EBF1: variants seen among roughly 807,000 people sequenced by gnomAD.
The protein encoded by EBF1 is transcription factor COE1.
EBF1 carries 10 observed loss-of-function variants against 68.4 expected under a neutral mutation model. That is an observed-to-expected ratio of 0.15 (90% CI 0.09 to 0.25). EBF1 has a LOEUF of 0.25. Among genes scored for constraint, EBF1 ranks in the 10% least tolerant of loss-of-function variants. The pLI is 1.00. For synonymous variants in EBF1, 298 were observed against 299.8 expected (o/e 0.99, Z 0.06); for missense variants, 509 against 794.4 (o/e 0.64, Z 4.32).
At chr5:159,023,484 T>TA (rs1169017153) in intron 6 of EBF1, among the ~76,000 whole-genome samples, 1 of 152,182 alleles carries the variant, frequency 6.6e-6, no homozygotes, top group Non-Finnish European at 1.5e-5. Context: ...CTCATACTGA[T>TA]AGACTTGACC....
At chr5:159,083,333 A>C (rs1193100101) in intron 5 of EBF1, among the ~76,000 whole-genome samples, 1 of 152,210 alleles carries the variant, frequency 6.6e-6, no homozygotes, top group Non-Finnish European at 1.5e-5. Context: ...GTTATGTACA[A>C]TATAACATTA....
chr5:158,929,227 T>G (rs764658243), intron 6 of EBF1, among the ~76,000 whole-genome samples: 27 of 152,204 alleles, frequency 1.8e-4, no homozygotes, highest in Non-Finnish European at 3.7e-4. Context: ...ATGAATCGCG[T>G]GTGGCAAGCA....
At chr5:158,775,994 G>A (rs1433546541) in intron 10 of EBF1, among the ~76,000 whole-genome samples, 2 of 152,032 alleles carry the variant, frequency 1.3e-5, no homozygotes, top group African/African-American at 2.4e-5. Context: ...CTTTCTCTAC[G>A]CTTCGTTTGT....
chr5:158,774,066 A>C (rs1039367336), intron 10 of EBF1, among the ~76,000 whole-genome samples: 1 of 152,194 alleles, frequency 6.6e-6, no homozygotes, highest in African/African-American at 2.4e-5. Context: ...ACAATAAAGT[A>C]AGATCTAGAA....
chr5:158,954,279 A>C (rs71593317), intron 6 of EBF1, among the ~76,000 whole-genome samples: 10,915 of 152,298 alleles, frequency 0.072, 485 homozygotes, highest in Non-Finnish European at 0.094. Flanking sequence ...GTTAAATGAC[A>C]GTATGGCAGT....
chr5:159,047,778 T>C (rs1233662019), intron 6 of EBF1, among the ~76,000 whole-genome samples: 2 of 152,174 alleles, frequency 1.3e-5, no homozygotes, highest in Non-Finnish European at 2.9e-5. Context: ...TACTGCTATT[T>C]CCCTCCCACG....
intron 6 of EBF1, among the ~76,000 whole-genome samples, chr5:158,905,914 C>T (rs773340987): frequency 2.5e-4 from 38 of 152,202 alleles, no homozygotes; most frequent in African/African-American, 8.4e-4. Context: ...GAGGAGGGAG[C>T]AAAATAAAGC....
chr5:158,819,974 C>T (rs1784506425), intron 8 of EBF1, among the ~76,000 whole-genome samples: 2 of 152,106 alleles, frequency 1.3e-5, no homozygotes, highest in Admixed American at 6.5e-5. Context: ...GGTCATTTAT[C>T]AGAGCACAGG....
Position 158,840,114 on chromosome 5 carries a change from T to A in EBF1, c.555-4A>T. 6.2e-7 allele frequency: 1 copy of A among 1,611,986 alleles called. No individual in the cohort carries two copies. On this transcript the variant is annotated splice_region_variant and splice_polypyrimidine_tract_variant and intron_variant, in intron 6 of 15. Transcript: ENST00000313708. ...GAGGAAAAATTTCAAGAAGAACCTGTGAAGAAACAAATCATCATGGTTAGC... is the reference window on the plus strand; with the variant it reads ...GAGGAAAAATTTCAAGAAGAACCTGAGAAGAAACAAATCATCATGGTTAGC...
chr5:159,058,052 G>C (rs1322206670), intron 6 of EBF1, among the ~76,000 whole-genome samples: 1 of 152,204 alleles, frequency 6.6e-6, no homozygotes, highest in African/African-American at 2.4e-5. Context: ...TAGCTAAAGG[G>C]ATGAGATTCT....
chr5:158,897,119 G>C (rs1180142209), intron 6 of EBF1, among the ~76,000 whole-genome samples: 1 of 152,054 alleles, frequency 6.6e-6, no homozygotes, highest in African/African-American at 2.4e-5. Flanking sequence ...ATATGAACGT[G>C]TATGTTCATG....
chr5:158,710,037 G>A (rs982156311), intron 14 of EBF1, among the ~76,000 whole-genome samples: 6 of 152,158 alleles, frequency 3.9e-5, no homozygotes, highest in African/African-American at 1.2e-4. Flanking sequence ...ACCAGAAAGT[G>A]TGTTCACCAG....
intron 6 of EBF1, among the ~76,000 whole-genome samples, chr5:158,969,840 AAGAG>A (rs372682646): frequency 8.3e-6 from 1 of 119,898 alleles, no homozygotes; most frequent in Non-Finnish European, 1.8e-5. Flanking sequence ...AAAAGAAAGA[AAGAG>A]AAAGAAAGAA....
At chr5:159,052,891 C>T (rs1303697942) in intron 6 of EBF1, among the ~76,000 whole-genome samples, 1 of 152,166 alleles carries the variant, frequency 6.6e-6, no homozygotes, top group African/African-American at 2.4e-5. Context: ...AATGAGACAA[C>T]CAACTGCACA....
rs548872369 is a variant in EBF1, at chr5:158,771,160, T to C, written c.1036+6253A>G. 7.9e-5 allele frequency among the ~76,000 whole-genome samples: 12 copies of C among 152,236 alleles called. No homozygotes were observed. In the South Asian group the frequency reaches 2.3e-3, roughly 29 times the overall value. ...AATCAAAGCTGACACATACATAACA[T>C]CAAACTCTAATGACAAATTCTTTGG... On this transcript the variant is annotated intron_variant, in intron 10 of 15. Coordinates refer to ENST00000313708, the MANE Select transcript of EBF1 (RefSeq NM_024007.5).
chr5:158,859,003 T>A (rs1309396837), intron 6 of EBF1, among the ~76,000 whole-genome samples: 1 of 152,148 alleles, frequency 6.6e-6, no homozygotes, highest in East Asian at 1.9e-4. Flanking sequence ...CCGACATCCA[T>A]GGGTGGTCTA....
intron 5 of EBF1, among the ~76,000 whole-genome samples, chr5:159,079,081 T>A (rs1242148426): frequency 6.6e-6 from 1 of 152,196 alleles, no homozygotes; most frequent in South Asian, 2.1e-4. Flanking sequence ...ATCTGAATAG[T>A]CTTATTAATA....
At chr5:159,005,976 G>A (rs1391641722) in intron 6 of EBF1, among the ~76,000 whole-genome samples, 4 of 152,160 alleles carry the variant, frequency 2.6e-5, no homozygotes, top group Non-Finnish European at 5.9e-5. Context: ...CATAGCTCAT[G>A]TTTTGCTATG....
At chr5:159,095,815 C>G (rs1782503654) in intron 3 of EBF1, 140 bp from the exon 4 acceptor site, 1 of 834,024 alleles carries the variant, frequency 1.2e-6, no homozygotes, top group African/African-American at 1.7e-5. Flanking sequence ...CTGATTGGAA[C>G]TCCCACTGTC....
Sources: allele counts gnomAD v4.1 joint callset (sites outside exome capture counted in the v4.1 genomes callset), GRCh38; gene constraint gnomAD v4.1.1; transcripts MANE v1.5; gene names NCBI Gene and HGNC (gene_info 2026-07-23, HGNC 2026-07-21).